The following CPVL variants were observed in gnomAD, a reference collection of about 807,000 sequenced individuals.
CPVL encodes the protein carboxypeptidase vitellogenic like.
A neutral mutation model predicts 63.7 loss-of-function variants in CPVL; 51 were observed. The observed-to-expected ratio is 0.80, with a 90% confidence interval of 0.64 to 1.01. The LOEUF (loss-of-function observed/expected upper bound fraction) is 1.01, where lower values mean the gene tolerates loss of function less well. CPVL is among the 50% of genes least tolerant of loss of function. The probability of loss-of-function intolerance (pLI) is 0.00; values close to 1 mark genes in which losing one functional copy is unlikely to be tolerated. For missense variants in CPVL, 530 were observed against 573.1 expected, an observed-to-expected ratio of 0.92 and a Z score of 0.77; for synonymous variants, 195 against 206.0, an observed-to-expected ratio of 0.95 and a Z score of 0.46.
intron 3 of CPVL, among the ~76,000 whole-genome samples, chr7:29,096,762 T>A (rs1786444143): frequency 6.6e-6 from 1 of 152,040 alleles, no homozygotes. Flanking sequence ...GGCAGGCAGA[T>A]CACCTGGGGT....
chr7:29,033,612 C>T (rs778643242), intron 11 of CPVL, among the ~76,000 whole-genome samples: 1 of 152,192 alleles, frequency 6.6e-6, no homozygotes, highest in Non-Finnish European at 1.5e-5. Flanking sequence ...TTTTAAGCAA[C>T]AAGGTCTAAA....
intron 1 of CPVL, among the ~76,000 whole-genome samples, chr7:29,188,071 G>A (rs1214358578): frequency 2.0e-5 from 3 of 152,130 alleles, no homozygotes; most frequent in African/African-American, 7.2e-5. Flanking sequence ...GGGGTGGTAG[G>A]GAGAGATGAA....
chr7:29,017,164 G>C (rs317692), intron 12 of CPVL, among the ~76,000 whole-genome samples: 6,885 of 152,196 alleles, frequency 0.045, 195 homozygotes, highest in East Asian at 0.064. Flanking sequence ...TATGCACTCT[G>C]CCCTGTGCCC....
intron 7 of CPVL, 59 bp downstream of exon 7, chr7:29,086,425 T>A: frequency 8.5e-7 from 1 of 1,176,606 alleles, no homozygotes; most frequent in Non-Finnish European, 1.3e-6. Flanking sequence ...ACTACACTCA[T>A]AATATATGTC....
At chr7:29,016,275 C>T (rs936958996) in intron 12 of CPVL, among the ~76,000 whole-genome samples, 3 of 151,528 alleles carry the variant, frequency 2.0e-5, no homozygotes, top group Non-Finnish European at 4.4e-5. Flanking sequence ...CGCTTGAACC[C>T]AGGAGGTGGA....
intron 11 of CPVL, among the ~76,000 whole-genome samples, chr7:29,061,986 C>T (rs1782649772): frequency 6.6e-6 from 1 of 151,380 alleles, no homozygotes; most frequent in Non-Finnish European, 1.5e-5. Context: ...AAATATATCT[C>T]CCAAGGGCAC....
intron 1 of CPVL, among the ~76,000 whole-genome samples, chr7:29,135,294 T>C (rs1212656942): frequency 1.3e-5 from 2 of 151,762 alleles, no homozygotes; most frequent in South Asian, 2.1e-4. Flanking sequence ...AGAAAGAGAA[T>C]GGTATCACAT....
At chr7:29,077,051 C>A (rs62442648) in intron 7 of CPVL, among the ~76,000 whole-genome samples, 20,655 of 152,204 alleles carry the variant, frequency 0.14, 1,552 homozygotes, top group Non-Finnish European at 0.17. Flanking sequence ...GTGAATCTCT[C>A]TTTTCTTTTA....
chr7:29,137,610 T>A (rs1422918257), intron 1 of CPVL, among the ~76,000 whole-genome samples: 1 of 152,192 alleles, frequency 6.6e-6, no homozygotes, highest in Non-Finnish European at 1.5e-5. Context: ...CCAGCTTACT[T>A]GTCTATGTGT....
At chr7:29,150,119 G>GT (rs565644763), upstream of CPVL, among the ~76,000 whole-genome samples, 1 of 152,268 alleles carries the variant, frequency 6.6e-6, no homozygotes, top group South Asian at 2.1e-4. Flanking sequence ...ACAAGCCCTT[G>GT]TGTTCTCTGC....
chr7:29,103,901 G>A (rs1037645586), intron 3 of CPVL, among the ~76,000 whole-genome samples: 1 of 152,118 alleles, frequency 6.6e-6, no homozygotes. Flanking sequence ...TACCTTAATT[G>A]AAGTCATTAG....
At chr7:29,097,194 G>A (rs1786525386) in intron 3 of CPVL, among the ~76,000 whole-genome samples, 1 of 152,024 alleles carries the variant, frequency 6.6e-6, no homozygotes, top group African/African-American at 2.4e-5. Flanking sequence ...CGGTGATGTT[G>A]AAAATGAGCT....
At chr7:29,194,612 T>A (rs1783379330) in intron 1 of CPVL, 1 of 262,682 alleles carries the variant, frequency 3.8e-6, no homozygotes, top group Non-Finnish European at 7.1e-6. Context: ...CAGGGGAGCG[T>A]GGACGGCAGA....
At chr7:29,122,817 AT>A (rs1789514818) in intron 1 of CPVL, among the ~76,000 whole-genome samples, 1 of 152,200 alleles carries the variant, frequency 6.6e-6, no homozygotes, top group Non-Finnish European at 1.5e-5. Context: ...TTTTTTAACT[AT>A]TACATTAACA....
At position 29,123,708 on chromosome 7, in the gene CPVL, T is replaced by G. The variant is rs1269177347; in HGVS notation, c.-10-2637A>C. 1.9e-4 allele frequency among the ~76,000 whole-genome samples: 4 copies of G among 20,686 alleles called. No individual in the cohort carries two copies. The South Asian group carries it at 0.011, about 55-fold the overall frequency. 13.6% of individuals were successfully genotyped at this position (20,686 alleles called of 152,430 possible). ...AAGCTCTTCCAGTAAGAGGTTTTTG[T>G]TTTTTTTTTTTCCCCTGGGGACAGA... On this transcript the variant is annotated intron_variant, in intron 1 of 12. Transcript: ENST00000265394.
intron 1 of CPVL, among the ~76,000 whole-genome samples, chr7:29,121,383 C>G (rs1272131011): frequency 6.6e-6 from 1 of 152,022 alleles, no homozygotes; most frequent in African/African-American, 2.4e-5. Context: ...TCACTGTTGC[C>G]TTGACCTCCT....
At chr7:29,039,974 G>A (rs1456036745) in intron 11 of CPVL, among the ~76,000 whole-genome samples, 2 of 151,984 alleles carry the variant, frequency 1.3e-5, no homozygotes, top group African/African-American at 2.4e-5. Flanking sequence ...TTTCCTGTTT[G>A]GGGAAATGAT....
chr7:29,012,692 T>C (rs529551995), intron 12 of CPVL: 65 of 152,298 alleles, frequency 4.3e-4, no homozygotes, highest in African/African-American at 1.5e-3. Flanking sequence ...TAAGTAAAAA[T>C]GGATTTAGAA....
At chr7:29,086,143 T>C (rs1212040835) in intron 7 of CPVL, among the ~76,000 whole-genome samples, 1 of 151,926 alleles carries the variant, frequency 6.6e-6, no homozygotes, top group Non-Finnish European at 1.5e-5. Context: ...AATACAAAAA[T>C]TAGCCGTGCA....
Sources: allele counts gnomAD v4.1 joint callset (sites outside exome capture counted in the v4.1 genomes callset), GRCh38; gene constraint gnomAD v4.1.1; transcripts MANE v1.5; gene names NCBI Gene and HGNC (gene_info 2026-07-23, HGNC 2026-07-21).